The following PTCH2 variants were observed in gnomAD, a reference collection of about 807,000 sequenced individuals.
The protein encoded by PTCH2 is patched 2.
Under a neutral mutation model 117.9 loss-of-function variants are expected in PTCH2, and 96 were observed. The observed-to-expected ratio is 0.81, with a 90% CI of 0.69 to 0.96. The LOEUF is 0.96. PTCH2 is among the 50% of genes least tolerant of loss of function. The probability of loss-of-function intolerance (pLI) is 0.00; values close to 1 mark genes in which losing one functional copy is unlikely to be tolerated. For synonymous variants in PTCH2, 615 were observed against 660.9 expected, an observed-to-expected ratio of 0.93 and a Z score of 1.06; for missense variants, 1,379 against 1,562.5, an observed-to-expected ratio of 0.88 and a Z score of 1.98.
chr1:44,826,468 C>T lies in PTCH2; in HGVS notation c.2976+20G>A. 6.2e-7 allele frequency: 1 copy of T among 1,613,724 alleles called. No individual in the cohort carries two copies. On this transcript the variant is annotated intron_variant, in intron 18 of 21. Coordinates refer to ENST00000372192, the MANE Select transcript of PTCH2 (RefSeq NM_003738.5). The surrounding 1 kb of genome is among the most constrained non-coding windows in gnomAD (Gnocchi z 5.1). ...AGGGAAGGGTGGGGTGTCTCTGTCC[C>T]CACTCCTGCAAGCACTCACTATGAG...
intron 2 of PTCH2, among the ~76,000 whole-genome samples, chr1:44,837,915 A>G (rs1227827245): frequency 6.6e-6 from 1 of 151,346 alleles, no homozygotes. Context: ...TGTCTCTACT[A>G]AAAAAAATAC....
Position 44,829,228 on chromosome 1 carries a change from C to T in PTCH2, c.1300G>A (p.Ala434Thr), listed in dbSNP as rs2148877222. Residue 434 changes from alanine (A) to threonine (T), a missense_variant, in exon 10 of 22, where the codon GCC becomes ACC. Transcript: ENST00000372192. ...CCAAGGCCTGAGGCCACCGCCAGGG[C>T]CACCAGCAGTACCCCGGCAAGGCCC... is the stretch of plus-strand genomic sequence containing the variant. ...SVGLAGVLLVALAVASGLGLC... is the reference protein window; with the variant it reads ...SVGLAGVLLVTLAVASGLGLC... 1 of 1,613,544 alleles carries T rather than the reference C, an allele frequency of 6.2e-7. No individual in the cohort carries two copies. The highest frequency in any genetic ancestry group is 8.5e-7 in the Non-Finnish European group (1 of 1,180,002).
At chr1:44,837,944 TG>T (rs1294492885) in intron 2 of PTCH2, among the ~76,000 whole-genome samples, 1 of 151,792 alleles carries the variant, frequency 6.6e-6, no homozygotes, top group African/African-American at 2.4e-5. Flanking sequence ...TAGCTGGGCA[TG>T]GTGGCGGGTG....
rs769612965 is a variant in PTCH2, at chr1:44,829,625, G to A, written c.1072C>T (p.Arg358Cys). The A allele has an allele frequency of 9.9e-6, 16 of 1,614,202 alleles. No homozygotes were observed. Among genetic ancestry groups the A allele is most frequent in the East Asian group, 2.2e-5 (1 of 44,880 alleles). ...ASTVLQAWQR[R>C]FVQLAQEALP... Reference sequence around the variant, plus strand: ...TTGTCCATACCGACCTGCACAAAGCGCCGCTGCCAGGCTTGTAGCACTGTG... The same window carrying A: ...TTGTCCATACCGACCTGCACAAAGCACCGCTGCCAGGCTTGTAGCACTGTG... Residue 358 changes from arginine (R) to cysteine (C), a missense_variant, in exon 8 of 22, where the codon CGC becomes TGC. Arg to Cys is a radical substitution (Grantham distance 180, BLOSUM62 -3). Transcript: ENST00000372192.
rs528473003 is a variant in PTCH2, at chr1:44,823,318, G to A, written c.3182C>T (p.Pro1061Leu). The change falls in exon 20 of 22, where the codon CCC becomes CTC. Residue 1061 changes from proline to leucine, a missense_variant. Transcript: ENST00000372192. The surrounding 1 kb of genome is among the most constrained non-coding windows in gnomAD (Gnocchi z 5.1). The part of the protein sequence containing the change: ...AAHALEHTFA[P>L]VTDGAISTLL... ...TGTGGAGATGGCCCCATCGGTCACGGGGGCAAATGTGTGCTCAAGGGCATG... is the reference window on the plus strand; with the variant it reads ...TGTGGAGATGGCCCCATCGGTCACGAGGGCAAATGTGTGCTCAAGGGCATG... The A allele has an allele frequency of 1.8e-5, 29 of 1,614,220 alleles. No individual in the cohort carries two copies. In the African/African-American group the frequency reaches 3.7e-4, roughly 21 times the overall value.
Position 44,827,925 on chromosome 1 carries a change from T to C in PTCH2, c.1976A>G (p.Lys659Arg). 1 of 1,614,196 alleles carries C rather than the reference T, an allele frequency of 6.2e-7. No homozygotes were observed. Among genetic ancestry groups the C allele is most frequent in the East Asian group, 2.2e-5 (1 of 44,886 alleles). ...ATTCCAGCGGGCACAGGGCAGGGAC[T>C]TGCAGGCTGCCTTCTGCCTTGTCTC... ...EEETRQKAAC[K>R]SLPCARWNLA... Residue 659 changes from lysine to arginine, a missense_variant, in exon 14 of 22, where the codon AAG becomes AGG. Transcript: ENST00000372192.
At position 44,829,476 on chromosome 1, in the gene PTCH2, TGGA is replaced by T. The variant is rs746402534; in HGVS notation, c.1138_1140del (p.Ser380del). The T allele has an allele frequency of 3.7e-6, 6 of 1,614,120 alleles. No homozygotes were observed. The highest frequency in any genetic ancestry group is 2.2e-5 in the South Asian group (2 of 91,084). On this transcript the variant is annotated inframe_deletion, in exon 9 of 22. Coordinates refer to ENST00000372192, the MANE Select transcript of PTCH2 (RefSeq NM_003738.5). The stretch of plus-strand genomic sequence containing the variant: ...GCATGCAGGATGTCATCCAGGGTGG[TGGA>T]GGAGAAGGCATGGATCTGCTGGGAA...
At position 44,827,198 on chromosome 1, in the gene PTCH2, C is replaced by G. The variant is rs761925367; in HGVS notation, c.2483G>C (p.Gly828Ala). The G allele has an allele frequency of 1.4e-5, 22 of 1,614,096 alleles. No homozygotes were observed. In the East Asian group the frequency reaches 4.9e-4, roughly 36 times the overall value. Reference sequence around the variant, plus strand: ...GAAATCCAGAGGCTCCTGGGCGTCTCCAGTCTGGATGAGCAGCTTGTAGGC... The same window carrying G: ...GAAATCCAGAGGCTCCTGGGCGTCTGCAGTCTGGATGAGCAGCTTGTAGGC... ...ALAYKLLIQTGDAQEPLDFSQ... is the reference protein window; with the variant it reads ...ALAYKLLIQTADAQEPLDFSQ... Residue 828 changes from glycine (G) to alanine (A), a missense_variant, in exon 16 of 22, where the codon GGA (glycine) becomes GCA (alanine). Coordinates refer to ENST00000372192, the MANE Select transcript of PTCH2 (RefSeq NM_003738.5).
chr1:44,829,700 G>A lies in PTCH2; in HGVS notation c.997C>T (p.Arg333Trp), dbSNP rs779863570. The change falls in exon 8 of 22, where the codon CGG (arginine) becomes TGG (tryptophan). Residue 333 changes from arginine (R) to tryptophan (W), a missense_variant. Arg to Trp is a moderately radical substitution (Grantham distance 101). Transcript: ENST00000372192. ...ATGTCATGTGTCTGATAGTCACCCC[G>A]GAAATGCTCGTACAGCTGGCGGGGA... ...MSPRQLYEHF[R>W]GDYQTHDIGW... 6.8e-6 allele frequency: 11 copies of A among 1,614,100 alleles called. No homozygotes were observed. The highest frequency in any genetic ancestry group is 6.7e-5 in the East Asian group (3 of 44,898).
In PTCH2 at chr1:44,823,286, C is replaced by A. The variant is rs1171321506; in HGVS notation, c.3214G>T (p.Gly1072Cys). Reference protein sequence around the residue: ...VTDGAISTLLGLLMLAGSHFD... With the variant: ...VTDGAISTLLCLLMLAGSHFD... ...TGGGAACCAGCAAGCATGAGCAGACCCAGCAATGTGGAGATGGCCCCATCG... is the reference window on the plus strand; with the variant it reads ...TGGGAACCAGCAAGCATGAGCAGACACAGCAATGTGGAGATGGCCCCATCG... The change falls in exon 20 of 22, where the codon GGT becomes TGT. Residue 1072 changes from glycine to cysteine, a missense_variant. Gly to Cys is a radical substitution (Grantham distance 159). Coordinates refer to ENST00000372192, the MANE Select transcript of PTCH2 (RefSeq NM_003738.5). This position sits in a 1 kb window ranked among gnomAD's most constrained non-coding sequence, Gnocchi z 5.1. 6.2e-7 allele frequency: 1 copy of A among 1,614,218 alleles called. No individual in the cohort carries two copies.
chr1:44,842,274 C>CTT lies in PTCH2; in HGVS notation c.73-237_73-236dup, dbSNP rs200149437. On this transcript the variant is annotated intron_variant, in intron 1 of 21. Coordinates refer to ENST00000372192, the MANE Select transcript of PTCH2 (RefSeq NM_003738.5). ...CTTTCTTTTCTTTTTGTTTTCTCTC[C>CTT]TTTTTTTTTTTTTTTTTTTTTTTGA... 6.4e-3 allele frequency among the ~76,000 whole-genome samples: 841 copies of CTT among 130,748 alleles called. 1 individual carries two copies. Among genetic ancestry groups the CTT allele is most frequent in the Non-Finnish European group, 8.2e-3 (518 of 63,218 alleles). 85.8% of individuals were successfully genotyped at this position (130,748 alleles called of 152,430 possible).
intron 8 of PTCH2, 37 bp from the exon 9 acceptor site, chr1:44,829,570 G>A (rs910794186): frequency 3.1e-6 from 5 of 1,614,096 alleles, no homozygotes; most frequent in Non-Finnish European, 4.2e-6. Flanking sequence ...GGCAGGAGGA[G>A]GGAATGGCCT....
At position 44,826,914 on chromosome 1, in the gene PTCH2, C is replaced by T. The variant is rs1354511824; in HGVS notation, c.2683G>A (p.Glu895Lys). The part of the protein sequence containing the change: ...WLHDKYDTTG[E>K]NLRIPPAQPL... Reference sequence around the variant, plus strand: ...CCCCAAGACTCACTGCGAAGGTTCTCCCCCGTGGTGTCGTATTTGTCGTGC... The same window carrying T: ...CCCCAAGACTCACTGCGAAGGTTCTTCCCCGTGGTGTCGTATTTGTCGTGC... The change falls in exon 17 of 22, where the codon GAG (glutamate) becomes AAG (lysine). Residue 895 changes from glutamate (E) to lysine (K), a missense_variant. Coordinates refer to ENST00000372192, the MANE Select transcript of PTCH2 (RefSeq NM_003738.5). This position sits in a 1 kb window ranked among gnomAD's most constrained non-coding sequence, Gnocchi z 5.1. The T allele has an allele frequency of 4.3e-6, 7 of 1,613,994 alleles. No individual in the cohort carries two copies. The highest frequency in any genetic ancestry group is 1.1e-5 in the South Asian group (1 of 91,084).
intron 2 of PTCH2, among the ~76,000 whole-genome samples, chr1:44,840,899 C>A (rs993421723): frequency 7.0e-6 from 1 of 142,886 alleles, no homozygotes; most frequent in Non-Finnish European, 1.5e-5. Flanking sequence ...GTCTCCAAAA[C>A]AAAACAAAAC....
chr1:44,829,504 A>T lies in PTCH2; in HGVS notation c.1113T>A (p.Ala371=). The T allele has an allele frequency of 6.2e-7, 1 of 1,614,222 alleles. No homozygotes were observed. Among genetic ancestry groups the T allele is most frequent in the Non-Finnish European group, 8.5e-7 (1 of 1,180,030 alleles). ...QLAQEALPEN[A]SQQIHAFSST... ...AGGAGAAGGCATGGATCTGCTGGGA[A>T]GCGTTCTCAGGCAGGGCCTCCTGGG... Residue 371 remains alanine (A), a synonymous_variant, in exon 9 of 22, where the codon GCT becomes GCA. Coordinates refer to ENST00000372192, the MANE Select transcript of PTCH2 (RefSeq NM_003738.5).
chr1:44,833,378 G>C (rs16832263), intron 2 of PTCH2, among the ~76,000 whole-genome samples: 32,424 of 151,216 alleles, frequency 0.21, 3,726 homozygotes, highest in East Asian at 0.28. Flanking sequence ...GGACCCAAAC[G>C]TACTGCTTCT....
chr1:44,842,162 G>T, intron 1 of PTCH2, 123 bp from the exon 2 acceptor site: 1 of 920,406 alleles, frequency 1.1e-6, no homozygotes, highest in Non-Finnish European at 1.7e-6. Context: ...GGGACAGGGA[G>T]CACCAACACA....
At chr1:44,828,452 A>G in intron 12 of PTCH2, 38 bp from the exon 13 acceptor site, 1 of 1,614,108 alleles carries the variant, frequency 6.2e-7, no homozygotes. Flanking sequence ...GGCTGGATGA[A>G]GCTTGGCCTC....
At chr1:44,830,750 C>T in intron 6 of PTCH2, 98 bp downstream of exon 6, 1 of 1,257,452 alleles carries the variant, frequency 8.0e-7, no homozygotes, top group South Asian at 1.8e-5. Flanking sequence ...AGTGGGGGGT[C>T]AGGGCACAGA....
Sources: allele counts gnomAD v4.1 joint callset (sites outside exome capture counted in the v4.1 genomes callset), GRCh38; gene constraint gnomAD v4.1.1; non-coding constraint Gnocchi (gnomAD v3.1); transcripts MANE v1.5; gene names NCBI Gene and HGNC (gene_info 2026-07-23, HGNC 2026-07-21).